The following CMSS1 variants were observed in gnomAD, a reference collection of about 807,000 sequenced individuals.
The protein encoded by CMSS1 is cms1 ribosomal small subunit homolog, also known as protein CMSS1.
Under a neutral mutation model 43.5 loss-of-function variants are expected in CMSS1, and 33 were observed. The observed-to-expected ratio is 0.76, with a 90% CI of 0.57 to 1.01. The LOEUF (loss-of-function observed/expected upper bound fraction) is 1.01. Ranked by LOEUF, CMSS1 falls within the 50% of genes least tolerant of loss-of-function variation. CMSS1 has a pLI of 0.00. For synonymous variants in CMSS1, 115 were observed against 117.2 expected, an observed-to-expected ratio of 0.98 and a Z score of 0.12; for missense variants, 313 against 326.4, an observed-to-expected ratio of 0.96 and a Z score of 0.32.
intron 1 of CMSS1, among the ~76,000 whole-genome samples, chr3:99,844,256 G>GC (rs544471854): frequency 9.0e-4 from 137 of 152,242 alleles, no homozygotes; most frequent in African/African-American, 3.0e-3. Context: ...TGGGCCCTAC[G>GC]CCCCCAGAGG....
chr3:99,956,989 C>G (rs1432193995), intron 1 of CMSS1, among the ~76,000 whole-genome samples: 7 of 152,196 alleles, frequency 4.6e-5, no homozygotes, highest in African/African-American at 1.7e-4. Context: ...GTCCAGGGCT[C>G]TAGCTGGATT....
At chr3:100,039,030 G>T (rs1254629032) in intron 1 of CMSS1, among the ~76,000 whole-genome samples, 1 of 152,126 alleles carries the variant, frequency 6.6e-6, no homozygotes, top group African/African-American at 2.4e-5. Flanking sequence ...CAATAATTTT[G>T]CATTAATTCA....
At chr3:99,850,339 C>T in intron 1 of CMSS1, 3 of 1,612,772 alleles carry the variant, frequency 1.9e-6, no homozygotes, top group Non-Finnish European at 2.5e-6. Context: ...TTCTAAATTG[C>T]ATTTCAGAGA....
intron 1 of CMSS1, among the ~76,000 whole-genome samples, chr3:99,885,001 C>G (rs1705846650): frequency 6.6e-6 from 1 of 152,188 alleles, no homozygotes; most frequent in African/African-American, 2.4e-5. Context: ...GAAAATTGTG[C>G]TACGATACTG....
chr3:99,915,119 A>G (rs945787177), intron 1 of CMSS1, among the ~76,000 whole-genome samples: 1 of 152,100 alleles, frequency 6.6e-6, no homozygotes, highest in Non-Finnish European at 1.5e-5. Context: ...GATAGTCCCA[A>G]TGCTCTTAAG....
intron 1 of CMSS1, among the ~76,000 whole-genome samples, chr3:100,095,223 C>T (rs761366116): frequency 1.1e-3 from 160 of 152,260 alleles, no homozygotes; most frequent in Admixed American, 2.3e-3. Context: ...ATTTACCTTT[C>T]CCTTTCCATA....
rs778639646 is a variant in CMSS1 at position 100,172,377 on chromosome 3, G to A, written c.641G>A (p.Gly214Glu). 6.2e-7 allele frequency: 1 copy of A among 1,613,786 alleles called. No homozygotes were observed. The highest frequency in any genetic ancestry group is 8.5e-7 in the Non-Finnish European group (1 of 1,179,826). ...RVVHLGVGTPGRIKELVKQGG... is the reference protein window; with the variant it reads ...RVVHLGVGTPERIKELVKQGG... ...GTGCACCTGGGTGTAGGAACTCCGG[G>A]GAGAATTAAAGAACTTGTTAAACAA... The change falls in exon 8 of 10, where the codon GGG becomes GAG. Residue 214 changes from glycine to glutamate, a missense_variant. Gly to Glu is a moderately conservative substitution (Grantham distance 98). Coordinates refer to ENST00000421999, the MANE Select transcript of CMSS1 (RefSeq NM_032359.4).
intron 1 of CMSS1, among the ~76,000 whole-genome samples, chr3:99,944,644 G>A (rs1707954356): frequency 1.3e-5 from 2 of 152,188 alleles, no homozygotes; most frequent in African/African-American, 2.4e-5. Context: ...CACAGAACTG[G>A]CAAGTGGCAG....
intron 1 of CMSS1, among the ~76,000 whole-genome samples, chr3:99,919,409 G>A (rs534998676): frequency 2.0e-5 from 3 of 147,826 alleles, no homozygotes; most frequent in African/African-American, 5.0e-5. Flanking sequence ...TACCTTGTTC[G>A]CCCAGTATCT....
At chr3:100,120,246 T>C (rs2066608319) in intron 1 of CMSS1, among the ~76,000 whole-genome samples, 1 of 152,196 alleles carries the variant, frequency 6.6e-6, no homozygotes, top group South Asian at 2.1e-4. Flanking sequence ...TGCTTTTCTC[T>C]GGCATAGCTA....
rs745934247 is a variant in CMSS1 at position 100,166,313 on chromosome 3, A to G, written c.356-22A>G. The G allele has an allele frequency of 3.9e-6, 6 of 1,521,904 alleles. No homozygotes were observed. The Admixed American group carries it at 8.4e-5, about 21-fold the overall frequency. 94.3% of individuals were successfully genotyped at this position (1,521,904 alleles called of 1,614,324 possible). On this transcript the variant is annotated intron_variant, in intron 4 of 9. Transcript: ENST00000421999. ...TGTGTGTTTACAAAATTATCTACAAAGCATGTTTATTATATTTCTAGACTC... is the reference window on the plus strand; with the variant it reads ...TGTGTGTTTACAAAATTATCTACAAGGCATGTTTATTATATTTCTAGACTC...
intron 5 of CMSS1, among the ~76,000 whole-genome samples, chr3:100,166,706 A>G (rs565428679): frequency 9.2e-5 from 14 of 152,282 alleles, no homozygotes; most frequent in Admixed American, 8.5e-4. Context: ...GCTATTGTGA[A>G]GTCAATCTAA....
At position 99,884,838 on chromosome 3, in the gene CMSS1, C is replaced by A. The variant is rs181688938; in HGVS notation, c.64+66795C>A. 3.9e-4 allele frequency among the ~76,000 whole-genome samples: 59 copies of A among 152,308 alleles called. 1 individual carries two copies. The highest frequency in any genetic ancestry group is 1.4e-3 in the African/African-American group (58 of 41,560). On this transcript the variant is annotated intron_variant, in intron 1 of 9. Transcript: ENST00000421999. ...CTGTTTACAGGTATAGATTTTGGTTCTTGTACTTTTGAAGCAGCTGAATAC... is the reference window on the plus strand; with the variant it reads ...CTGTTTACAGGTATAGATTTTGGTTATTGTACTTTTGAAGCAGCTGAATAC...
At chr3:100,022,788 T>C (rs961678379) in intron 1 of CMSS1, among the ~76,000 whole-genome samples, 3 of 152,236 alleles carry the variant, frequency 2.0e-5, no homozygotes, top group African/African-American at 2.4e-5. Context: ...TTTGTACTTA[T>C]TTAAAAACAT....
At chr3:100,009,846 C>T (rs1027558365) in intron 1 of CMSS1, among the ~76,000 whole-genome samples, 3 of 152,144 alleles carry the variant, frequency 2.0e-5, no homozygotes, top group African/African-American at 7.2e-5. Flanking sequence ...TACGTGTCCA[C>T]GTTTTCAAAA....
intron 1 of CMSS1, among the ~76,000 whole-genome samples, chr3:100,022,448 A>G (rs528958692): frequency 6.6e-6 from 1 of 152,336 alleles, no homozygotes; most frequent in South Asian, 2.1e-4. Flanking sequence ...AAAGGCCTGC[A>G]GTTCAACAAT....
At chr3:100,071,021 G>GA (rs1009969583) in intron 1 of CMSS1, among the ~76,000 whole-genome samples, 7 of 143,890 alleles carry the variant, frequency 4.9e-5, no homozygotes, top group African/African-American at 1.8e-4. Flanking sequence ...CAGTTATACA[G>GA]AAAAAAATAA....
chr3:100,134,665 G>A (rs1195182266), intron 1 of CMSS1, among the ~76,000 whole-genome samples: 3 of 152,236 alleles, frequency 2.0e-5, no homozygotes, highest in East Asian at 3.8e-4. Flanking sequence ...ATAGGATGGG[G>A]TGGAAGGAGT....
intron 6 of CMSS1, among the ~76,000 whole-genome samples, chr3:100,168,110 A>C (rs917451003): frequency 6.6e-6 from 1 of 152,236 alleles, no homozygotes; most frequent in Non-Finnish European, 1.5e-5. Context: ...TGGTCACAGA[A>C]AGCTTCTCTA....
Sources: allele counts gnomAD v4.1 joint callset (sites outside exome capture counted in the v4.1 genomes callset), GRCh38; gene constraint gnomAD v4.1.1; transcripts MANE v1.5; gene names NCBI Gene and HGNC (gene_info 2026-07-23, HGNC 2026-07-21).